Variants in HAUS6 observed in about 807,000 individuals in gnomAD.
HAUS6 encodes HAUS augmin like complex subunit 6, also known as HAUS augmin-like complex subunit 6.
A neutral mutation model predicts 106.8 loss-of-function variants in HAUS6; 80 were observed. The ratio of observed to expected loss-of-function variants is 0.75; its 90% CI spans 0.63 to 0.90. The LOEUF (loss-of-function observed/expected upper bound fraction) is 0.90, where lower values mean the gene tolerates loss of function less well. HAUS6 is among the 40% of genes least tolerant of loss of function. The pLI is 0.00. For missense variants in HAUS6, 1,155 were observed against 1,118.1 expected (o/e 1.03, Z -0.47); for synonymous variants, 356 against 379.1 (o/e 0.94, Z 0.71).
chr9:19,061,930 AC>A (rs1411360430), intron 14 of HAUS6, among the ~76,000 whole-genome samples: 1 of 152,222 alleles, frequency 6.6e-6, no homozygotes, highest in Non-Finnish European at 1.5e-5. Context: ...GAACTCTAAT[AC>A]CTGAATTAAT....
intron 5 of HAUS6, among the ~76,000 whole-genome samples, chr9:19,088,330 TG>T (rs1425547701): frequency 6.6e-6 from 1 of 150,998 alleles, no homozygotes; most frequent in African/African-American, 2.4e-5. Context: ...GCAGGAGAAT[TG>T]CTTGAACCTG....
chr9:19,058,411 G>A lies in HAUS6; in HGVS notation c.2356C>T (p.His786Tyr). ...LHETLPEEVG[H>Y]LSFNSSSSSE... is the part of the protein sequence containing the mutation. ...CTACTGGAACTATTAAAACTTAGATGACCAACTTCTTCCGGGAGAGTTTCG... is the reference window on the plus strand; with the variant it reads ...CTACTGGAACTATTAAAACTTAGATAACCAACTTCTTCCGGGAGAGTTTCG... The change falls in exon 16 of 17, where the codon CAT becomes TAT. Residue 786 changes from histidine (H) to tyrosine (Y), a missense_variant. By Grantham distance (83) the His-to-Tyr change is moderately conservative. Transcript: ENST00000380502. 4 of 1,613,322 alleles carry A rather than the reference G, an allele frequency of 2.5e-6. No homozygotes were observed. Among genetic ancestry groups the A allele is most frequent in the Non-Finnish European group, 2.5e-6 (3 of 1,179,484 alleles).
intron 1 of HAUS6, among the ~76,000 whole-genome samples, chr9:19,099,139 A>T (rs922298052): frequency 2.6e-5 from 4 of 151,440 alleles, no homozygotes; most frequent in African/African-American, 9.7e-5. Context: ...GTGAATAAAA[A>T]ATAATGGGGT....
intron 12 of HAUS6, among the ~76,000 whole-genome samples, chr9:19,069,824 A>G (rs1156633664): frequency 6.6e-6 from 1 of 151,932 alleles, no homozygotes; most frequent in Non-Finnish European, 1.5e-5. Flanking sequence ...GGTCAGGCAC[A>G]GGAGGTTATG....
rs1429691348 is a variant in HAUS6 at position 19,058,306 on chromosome 9, G to A, written c.2461C>T (p.Gln821Ter). ...TTAAAGTCTGATTCTGGAGTAGTCTGTCTCCCTCCCACAACATCTTCTAGA... is the reference window on the plus strand; with the variant it reads ...TTAAAGTCTGATTCTGGAGTAGTCTATCTCCCTCCCACAACATCTTCTAGA... ...TLLEDVVGGR[Q>*]TTPESDFNLQ... Residue 821 changes from glutamine to a stop codon, truncating the protein, a stop_gained, in exon 16 of 17, where the codon CAG (glutamine) becomes TAG (stop). Transcript: ENST00000380502. LOFTEE classifies it high-confidence loss of function. 1 of 1,613,106 alleles carries A rather than the reference G, an allele frequency of 6.2e-7. No homozygotes were observed. The highest frequency in any genetic ancestry group is 1.3e-5 in the African/African-American group (1 of 74,882).
chr9:19,058,578 T>C lies in HAUS6; in HGVS notation c.2189A>G (p.Glu730Gly). The change falls in exon 16 of 17, where the codon GAG becomes GGG. Residue 730 changes from glutamate to glycine, a missense_variant. Transcript: ENST00000380502. ...NRIDVMGGSE[E>G]EFMKILDHLE... ...GTGGTCCAATATTTTCATAAACTCC[T>C]CTTCACTGCCACCCATCACATCTAT... 1 of 1,599,004 alleles carries C rather than the reference T, an allele frequency of 6.3e-7. No individual in the cohort carries two copies.
chr9:19,062,939 TAC>T, intron 14 of HAUS6, 67 bp downstream of exon 14: 1 of 1,190,874 alleles, frequency 8.4e-7, no homozygotes, highest in Non-Finnish European at 1.2e-6. Context: ...GTGTTGGGAT[TAC>T]AGACATGGGC....
intron 1 of HAUS6, among the ~76,000 whole-genome samples, chr9:19,099,327 C>A (rs374051155): frequency 6.6e-6 from 1 of 151,886 alleles, no homozygotes; most frequent in African/African-American, 2.4e-5. Flanking sequence ...CCAACACGCC[C>A]GGCTAATTTT....
At chr9:19,069,953 A>T (rs1014218836) in intron 12 of HAUS6, among the ~76,000 whole-genome samples, 4 of 152,016 alleles carry the variant, frequency 2.6e-5, no homozygotes, top group African/African-American at 9.7e-5. Context: ...TAGTACAGAC[A>T]GGGTCTTGCT....
At chr9:19,093,059 T>C in intron 4 of HAUS6, 112 bp downstream of exon 4, 2 of 764,608 alleles carry the variant, frequency 2.6e-6, no homozygotes, top group Non-Finnish European at 4.2e-6. Flanking sequence ...TGGGGTACAT[T>C]AATGTTTTAA....
intron 6 of HAUS6, 29 bp from the exon 7 acceptor site, chr9:19,086,811 C>A: frequency 2.2e-6 from 2 of 905,692 alleles, no homozygotes; most frequent in South Asian, 1.5e-5. Context: ...TCTAATTAGT[C>A]ATATTAAAAA....
At chr9:19,087,860 A>G (rs1475054065) in intron 5 of HAUS6, among the ~76,000 whole-genome samples, 3 of 151,174 alleles carry the variant, frequency 2.0e-5, no homozygotes, top group Non-Finnish European at 4.4e-5. Flanking sequence ...AAAAAAAAAA[A>G]AAAAAAAAAA....
At chr9:19,080,382 G>T in intron 9 of HAUS6, 97 bp downstream of exon 9, 1 of 735,694 alleles carries the variant, frequency 1.4e-6, no homozygotes, top group Non-Finnish European at 2.4e-6. Flanking sequence ...TCTCATACTT[G>T]TTTGCCAAAG....
chr9:19,102,500 C>G, intron 1 of HAUS6, 24 bp downstream of exon 1: 1 of 1,609,402 alleles, frequency 6.2e-7, no homozygotes, highest in South Asian at 1.1e-5. Context: ...GGCTCCCTCG[C>G]CCCGCCGGCC....
intron 11 of HAUS6, among the ~76,000 whole-genome samples, chr9:19,072,975 T>G (rs957298997): frequency 6.6e-6 from 1 of 152,088 alleles, no homozygotes; most frequent in African/African-American, 2.4e-5. Context: ...AAGAACCTTT[T>G]GGAAGATAAT....
intron 4 of HAUS6, among the ~76,000 whole-genome samples, chr9:19,092,044 T>G (rs1381931179): frequency 6.6e-6 from 1 of 151,988 alleles, no homozygotes; most frequent in Non-Finnish European, 1.5e-5. Flanking sequence ...GAAATACAAA[T>G]TAAAACTATA....
chr9:19,089,814 A>G (rs570954110), intron 4 of HAUS6: 1 of 445,056 alleles, frequency 2.2e-6, no homozygotes, highest in Non-Finnish European at 4.0e-6. Flanking sequence ...ACATATAACA[A>G]CTAATGTTTT....
chr9:19,089,346 A>T (rs1817696190), intron 5 of HAUS6, 66 bp downstream of exon 5: 3 of 1,009,144 alleles, frequency 3.0e-6, no homozygotes, highest in Non-Finnish European at 4.6e-6. Context: ...ATTTCTCCTG[A>T]CATTATATTG....
intron 2 of HAUS6, among the ~76,000 whole-genome samples, chr9:19,096,091 C>T (rs530305858): frequency 4.0e-5 from 6 of 151,494 alleles, no homozygotes; most frequent in East Asian, 3.9e-4. Context: ...TTATTAAGAC[C>T]GTAAATAAAA....
Sources: allele counts gnomAD v4.1 joint callset (sites outside exome capture counted in the v4.1 genomes callset), GRCh38; gene constraint gnomAD v4.1.1; transcripts MANE v1.5; gene names NCBI Gene and HGNC (gene_info 2026-07-23, HGNC 2026-07-21).